CNTN4: variants seen among roughly 807,000 people sequenced by gnomAD.
CNTN4 encodes contactin 4, also known as contactin-4.
In CNTN4, 77 loss-of-function variants were observed where a neutral mutation model predicts 122.5. The ratio of observed to expected loss-of-function variants is 0.63; its 90% CI spans 0.52 to 0.76. The LOEUF (loss-of-function observed/expected upper bound fraction) is 0.76, where lower values mean the gene tolerates loss of function less well. CNTN4 is among the 30% of genes least tolerant of loss of function. The pLI, the probability that CNTN4 is intolerant of heterozygous loss-of-function variation, is 0.00. For missense variants in CNTN4, 1,256 were observed against 1,259.1 expected (o/e 1.00, Z 0.04); for synonymous variants, 512 against 447.0 (o/e 1.15, Z -1.83).
At chr3:3,042,112 G>C (rs906355008) in intron 20 of CNTN4, among the ~76,000 whole-genome samples, 198 bp from the exon 21 acceptor site, 6 of 152,144 alleles carry the variant, frequency 3.9e-5, no homozygotes, top group Non-Finnish European at 8.8e-5. Context: ...CCTAAATTCA[G>C]AACCCAAACA....
chr3:2,817,595 T>A (rs1375495923), intron 6 of CNTN4, among the ~76,000 whole-genome samples: 1 of 152,250 alleles, frequency 6.6e-6, no homozygotes, highest in Non-Finnish European at 1.5e-5. Context: ...TAAAAATCAT[T>A]GCCCATATTT....
chr3:3,009,589 A>T lies in CNTN4; in HGVS notation c.1487-16513A>T, dbSNP rs57983104. On this transcript the variant is annotated intron_variant, in intron 14 of 24. Coordinates refer to ENST00000418658, the MANE Select transcript of CNTN4 (RefSeq NM_175607.3). ...GCTGGGACTACAGGCGCCCGCCACC[A>T]CGCCCGGCTAATTTTTTGTATTTTT... 1.4e-4 allele frequency among the ~76,000 whole-genome samples: 21 copies of T among 150,916 alleles called. No individual in the cohort carries two copies. The East Asian group carries it at 2.2e-3, about 16-fold the overall frequency.
chr3:2,117,448 T>G (rs559010739), intron 2 of CNTN4, among the ~76,000 whole-genome samples: 1 of 152,280 alleles, frequency 6.6e-6, no homozygotes, highest in Admixed American at 6.5e-5. Flanking sequence ...TTCTGGGAGC[T>G]TCATTAGGTA....
intron 4 of CNTN4, among the ~76,000 whole-genome samples, chr3:2,583,216 A>G (rs1576093869): frequency 6.6e-6 from 1 of 152,250 alleles, no homozygotes; most frequent in Non-Finnish European, 1.5e-5. Context: ...GGAGCTTTGA[A>G]GATCTGGCCA....
At chr3:2,298,738 A>G (rs562016436) in intron 2 of CNTN4, among the ~76,000 whole-genome samples, 1 of 152,354 alleles carries the variant, frequency 6.6e-6, no homozygotes, top group East Asian at 1.9e-4. Flanking sequence ...CCTGAAGACT[A>G]CAAGTGGCAG....
At chr3:3,032,560 T>C (rs2125688080) in intron 16 of CNTN4, among the ~76,000 whole-genome samples, 1 of 152,342 alleles carries the variant, frequency 6.6e-6, no homozygotes, top group South Asian at 2.1e-4. Context: ...TCTTGCACAT[T>C]ACAGAGGGGG....
chr3:2,267,358 A>G (rs986773947), intron 2 of CNTN4, among the ~76,000 whole-genome samples: 1 of 152,152 alleles, frequency 6.6e-6, no homozygotes, highest in East Asian at 1.9e-4. Context: ...AGAAATTCAT[A>G]CTGCAGAAAA....
chr3:2,831,324 T>G (rs1478574361), intron 7 of CNTN4, among the ~76,000 whole-genome samples: 2 of 152,228 alleles, frequency 1.3e-5, no homozygotes, highest in East Asian at 3.8e-4. Flanking sequence ...TCAATCAAAC[T>G]GATTGCAGTT....
intron 4 of CNTN4, among the ~76,000 whole-genome samples, chr3:2,667,530 A>G (rs2084241886): frequency 6.6e-6 from 1 of 151,990 alleles, no homozygotes; most frequent in Non-Finnish European, 1.5e-5. Context: ...ATTTTCTCCC[A>G]TTCTGTAGGT....
intron 2 of CNTN4, among the ~76,000 whole-genome samples, chr3:2,166,664 A>C (rs1382704966): frequency 6.6e-6 from 1 of 152,170 alleles, no homozygotes; most frequent in Non-Finnish European, 1.5e-5. Context: ...AAGAGAATCT[A>C]GGTGCTGTGT....
chr3:2,126,126 G>C (rs1362397304), intron 2 of CNTN4, among the ~76,000 whole-genome samples: 34 of 152,094 alleles, frequency 2.2e-4, no homozygotes, highest in Non-Finnish European at 1.5e-5. Context: ...ACAATTAACT[G>C]TCTTTACAGA....
intron 14 of CNTN4, among the ~76,000 whole-genome samples, chr3:3,015,548 C>T (rs574929309): frequency 1.2e-4 from 18 of 152,256 alleles, no homozygotes; most frequent in African/African-American, 3.4e-4. Context: ...TTAGAATATG[C>T]GAATTATTGC....
At chr3:2,629,512 C>G (rs765251998) in intron 4 of CNTN4, 3 of 449,162 alleles carry the variant, frequency 6.7e-6, no homozygotes, top group Admixed American at 2.4e-5. Flanking sequence ...TTACCCTGTT[C>G]CTTCCCGTTC....
chr3:2,592,904 C>A (rs1016235614), intron 4 of CNTN4, among the ~76,000 whole-genome samples: 3 of 152,098 alleles, frequency 2.0e-5, no homozygotes, highest in African/African-American at 2.4e-5. Flanking sequence ...CAAAACAGAA[C>A]CTTTGTGCAC....
chr3:2,496,892 A>T (rs2151711677), intron 3 of CNTN4, among the ~76,000 whole-genome samples: 1 of 152,276 alleles, frequency 6.6e-6, no homozygotes. Flanking sequence ...GGGACTTCTC[A>T]TAGAAGTCCT....
intron 2 of CNTN4, among the ~76,000 whole-genome samples, chr3:2,218,406 G>C (rs947312370): frequency 1.3e-5 from 2 of 152,118 alleles, no homozygotes; most frequent in African/African-American, 2.4e-5. Context: ...TGTAGTCCCA[G>C]CTACTCGGGA....
intron 3 of CNTN4, among the ~76,000 whole-genome samples, chr3:2,374,639 AAAG>A (rs1343841147): frequency 6.6e-6 from 1 of 152,228 alleles, no homozygotes; most frequent in African/African-American, 2.4e-5. Flanking sequence ...TGTTTGAAAA[AAAG>A]AAGAAAAAAA....
chr3:2,792,037 C>T lies in CNTN4; in HGVS notation c.359-27449C>T, dbSNP rs115637637. 3.3e-5 allele frequency among the ~76,000 whole-genome samples: 5 copies of T among 152,154 alleles called. No individual in the cohort carries two copies. In the East Asian group the frequency reaches 9.6e-4, roughly 29 times the overall value. On this transcript the variant is annotated intron_variant, in intron 6 of 24. Coordinates refer to ENST00000418658, the MANE Select transcript of CNTN4 (RefSeq NM_175607.3). ...GCAAACCACCGTGGCACACATTTAC[C>T]TGTGTACCTGCAATCCTGCACATGT...
chr3:2,290,998 T>A (rs1266390150), intron 2 of CNTN4, among the ~76,000 whole-genome samples: 1 of 152,204 alleles, frequency 6.6e-6, no homozygotes, highest in South Asian at 2.1e-4. Flanking sequence ...CTGCATTTTT[T>A]AAAAGAATCC....
Sources: allele counts gnomAD v4.1 joint callset (sites outside exome capture counted in the v4.1 genomes callset), GRCh38; gene constraint gnomAD v4.1.1; transcripts MANE v1.5; gene names NCBI Gene and HGNC (gene_info 2026-07-23, HGNC 2026-07-21).